Variants in STXBP5L observed in about 807,000 individuals in gnomAD.
STXBP5L encodes syntaxin-binding protein 5-like.
STXBP5L carries 65 observed loss-of-function variants against 144.5 expected under a neutral mutation model. The observed-to-expected ratio is 0.45, with a 90% CI of 0.37 to 0.55. STXBP5L has a LOEUF of 0.55. Ranked by LOEUF, STXBP5L falls within the 20% of genes least tolerant of loss-of-function variation. STXBP5L has a pLI of 0.00. For synonymous variants in STXBP5L, 505 were observed against 469.6 expected (o/e 1.08, Z -0.97); for missense variants, 1,298 against 1,405.5 (o/e 0.92, Z 1.22).
At chr3:121,301,778 G>A (rs1034031777) in intron 19 of STXBP5L, among the ~76,000 whole-genome samples, 2 of 152,036 alleles carry the variant, frequency 1.3e-5, no homozygotes, top group East Asian at 3.9e-4. Context: ...TTTGTCAAAG[G>A]CCTTTTCTGC....
chr3:121,335,385 G>A (rs985446648), intron 20 of STXBP5L, among the ~76,000 whole-genome samples: 2 of 152,056 alleles, frequency 1.3e-5, no homozygotes, highest in African/African-American at 4.8e-5. Flanking sequence ...ATTGCCTGAA[G>A]CAATTTAGAG....
At position 120,970,098 on chromosome 3, in the gene STXBP5L, T is replaced by A. The variant is rs113682011; in HGVS notation, c.287+15061T>A. On this transcript the variant is annotated intron_variant, in intron 3 of 26. Coordinates refer to ENST00000471454, the MANE Select transcript of STXBP5L (RefSeq NM_001308330.2). ...ACCCTTTAACACCCCCCCAATAATT[T>A]GATTTATTGGTGTTTCAGTTTACGT... Among the ~76,000 whole-genome samples the A allele has an allele frequency of 2.5e-3, 379 of 152,214 alleles. 2 individuals are homozygous for A. Among genetic ancestry groups the A allele is most frequent in the African/African-American group, 8.6e-3 (356 of 41,564 alleles).
Position 120,932,379 on chromosome 3 carries a change from A to G in STXBP5L, c.190-22561A>G, listed in dbSNP as rs72966711. 2.5e-3 allele frequency among the ~76,000 whole-genome samples: 380 copies of G among 152,310 alleles called. 2 individuals carry two copies. Among genetic ancestry groups the G allele is most frequent in the African/African-American group, 8.6e-3 (357 of 41,566 alleles). On this transcript the variant is annotated intron_variant, in intron 2 of 26. Transcript: ENST00000471454. Reference sequence around the variant, plus strand: ...GTAATGCAGATGTTATTTCCTCCATATAATAGTCTAGCAGGCAGCCATTTT... The same window carrying G: ...GTAATGCAGATGTTATTTCCTCCATGTAATAGTCTAGCAGGCAGCCATTTT...
chr3:121,311,595 G>C (rs1328860712), intron 19 of STXBP5L, among the ~76,000 whole-genome samples: 1 of 152,088 alleles, frequency 6.6e-6, no homozygotes, highest in Non-Finnish European at 1.5e-5. Flanking sequence ...ATTCACAATT[G>C]CTTCAAAGAG....
chr3:121,140,267 C>G (rs1577049111), intron 7 of STXBP5L, among the ~76,000 whole-genome samples: 1 of 151,974 alleles, frequency 6.6e-6, no homozygotes, highest in Non-Finnish European at 1.5e-5. Context: ...ATAATAAGTA[C>G]TGGTGAACAT....
chr3:121,014,882 A>G (rs1287241354), intron 3 of STXBP5L, among the ~76,000 whole-genome samples: 1 of 152,090 alleles, frequency 6.6e-6, no homozygotes, highest in Non-Finnish European at 1.5e-5. Flanking sequence ...GATATGAGTA[A>G]TAAATTGAAA....
chr3:121,156,415 A>C (rs2046112253), intron 8 of STXBP5L, among the ~76,000 whole-genome samples: 1 of 151,994 alleles, frequency 6.6e-6, no homozygotes, highest in Non-Finnish European at 1.5e-5. Flanking sequence ...TTTAAGGAAA[A>C]GATGTTGTAT....
intron 20 of STXBP5L, among the ~76,000 whole-genome samples, chr3:121,335,952 C>T (rs1397738474): frequency 6.6e-6 from 1 of 152,052 alleles, no homozygotes; most frequent in Non-Finnish European, 1.5e-5. Flanking sequence ...TTCTGCACAG[C>T]AAAAGAAACA....
At chr3:121,180,217 C>T (rs1365394462) in intron 9 of STXBP5L, among the ~76,000 whole-genome samples, 2 of 152,134 alleles carry the variant, frequency 1.3e-5, no homozygotes, top group African/African-American at 4.8e-5. Context: ...AAAGGAAAAC[C>T]TGTCAGATTA....
chr3:120,911,386 C>T (rs1382572185), intron 2 of STXBP5L, among the ~76,000 whole-genome samples: 2 of 151,926 alleles, frequency 1.3e-5, no homozygotes, highest in African/African-American at 4.8e-5. Flanking sequence ...GAGCACTGGC[C>T]TAGGAATCAG....
intron 10 of STXBP5L, among the ~76,000 whole-genome samples, chr3:121,210,043 C>G (rs960861968): frequency 6.6e-6 from 1 of 152,164 alleles, no homozygotes; most frequent in African/African-American, 2.4e-5. Flanking sequence ...AGTTTACAGT[C>G]CCACCAACAG....
intron 3 of STXBP5L, among the ~76,000 whole-genome samples, chr3:120,962,280 A>T (rs909900496): frequency 1.3e-5 from 2 of 152,116 alleles, no homozygotes; most frequent in Non-Finnish European, 2.9e-5. Flanking sequence ...CTTTAGTTTA[A>T]TTAGATCCCA....
chr3:121,153,709 T>C (rs1429803648), intron 8 of STXBP5L, among the ~76,000 whole-genome samples: 2 of 151,938 alleles, frequency 1.3e-5, no homozygotes, highest in African/African-American at 4.8e-5. Flanking sequence ...GTCATTCTCA[T>C]AGTGGTAAAA....
chr3:121,357,320 G>T, intron 20 of STXBP5L: 1 of 170,306 alleles, frequency 5.9e-6, no homozygotes. Context: ...CGCTTTTTAT[G>T]TGTGTGTGAA....
At chr3:121,231,491 G>A (rs967876394) in intron 11 of STXBP5L, among the ~76,000 whole-genome samples, 6 of 152,186 alleles carry the variant, frequency 3.9e-5, no homozygotes, top group African/African-American at 1.4e-4. Context: ...ATTGCCTGAA[G>A]GCTTTAAGGA....
At chr3:121,311,040 A>G (rs978856148) in intron 19 of STXBP5L, among the ~76,000 whole-genome samples, 2 of 152,246 alleles carry the variant, frequency 1.3e-5, no homozygotes, top group African/African-American at 4.8e-5. Flanking sequence ...ACATAACACA[A>G]ATATAAGCAG....
chr3:121,235,846 C>CAT (rs1417647271), intron 12 of STXBP5L, among the ~76,000 whole-genome samples: 48 of 134,190 alleles, frequency 3.6e-4, no homozygotes, highest in African/African-American at 1.0e-3. Context: ...CACACATACA[C>CAT]ACACACACAC....
At chr3:121,059,813 A>T (rs1040830830) in intron 5 of STXBP5L, among the ~76,000 whole-genome samples, 2 of 152,120 alleles carry the variant, frequency 1.3e-5, no homozygotes, top group Non-Finnish European at 1.5e-5. Context: ...ATTTTTGCAC[A>T]TTGATTTTGT....
intron 2 of STXBP5L, among the ~76,000 whole-genome samples, chr3:120,932,018 T>C (rs1709968289): frequency 6.6e-6 from 1 of 152,216 alleles, no homozygotes; most frequent in African/African-American, 2.4e-5. Flanking sequence ...CTTAGCTATA[T>C]AGTATAGCCT....
Sources: allele counts gnomAD v4.1 joint callset (sites outside exome capture counted in the v4.1 genomes callset), GRCh38; gene constraint gnomAD v4.1.1; transcripts MANE v1.5; gene names NCBI Gene and HGNC (gene_info 2026-07-23, HGNC 2026-07-21).